Variants in SRGAP2 observed in about 807,000 individuals in gnomAD.
SRGAP2 encodes the protein SLIT-ROBO Rho GTPase-activating protein 2.
Under a neutral mutation model 57.2 loss-of-function variants are expected in SRGAP2, and 15 were observed. That is an observed-to-expected ratio of 0.26 (90% CI 0.18 to 0.40). The LOEUF (loss-of-function observed/expected upper bound fraction) is 0.40, where lower values mean the gene tolerates loss of function less well. Ranked by LOEUF, SRGAP2 falls within the 10% of genes least tolerant of loss-of-function variation. SRGAP2 has a pLI of 1.00. For missense variants in SRGAP2, 520 were observed against 669.6 expected (o/e 0.78, Z 2.47); for synonymous variants, 249 against 248.0 (o/e 1.00, Z -0.04).
intron 19 of SRGAP2, among the ~76,000 whole-genome samples, chr1:206,451,413 C>T (rs1297163455): frequency 6.6e-6 from 1 of 152,114 alleles, no homozygotes; most frequent in East Asian, 1.9e-4. Flanking sequence ...CTTCCAACAG[C>T]TCCACACCTC....
intron 10 of SRGAP2, among the ~76,000 whole-genome samples, chr1:206,414,436 A>T (rs1222443785): frequency 6.6e-6 from 1 of 152,248 alleles, no homozygotes; most frequent in Non-Finnish European, 1.5e-5. Context: ...ATACATTAAA[A>T]GACAGACAGA....
intron 20 of SRGAP2, chr1:206,453,844 A>T (rs1276258538): frequency 2.6e-5 from 9 of 340,842 alleles, no homozygotes. Context: ...TTCTAGGAGA[A>T]ATCCGGCTTA....
chr1:206,248,236 A>G (rs1469142695), intron 2 of SRGAP2, among the ~76,000 whole-genome samples: 1 of 152,008 alleles, frequency 6.6e-6, no homozygotes. Flanking sequence ...ATGATTTACT[A>G]TCTGTAAGAG....
intron 2 of SRGAP2, among the ~76,000 whole-genome samples, chr1:206,256,599 C>T (rs1201796957): frequency 6.7e-6 from 1 of 149,582 alleles, no homozygotes; most frequent in African/African-American, 2.5e-5. Context: ...GCATTTTAGC[C>T]TTCATGTTAT....
At chr1:206,445,365 A>G (rs1662665694) in intron 17 of SRGAP2, among the ~76,000 whole-genome samples, 2 of 152,236 alleles carry the variant, frequency 1.3e-5, no homozygotes, top group Non-Finnish European at 2.9e-5. Flanking sequence ...AATACCCGAG[A>G]ATGAAGTCAG....
At chr1:206,444,131 A>G (rs1553372989) in intron 17 of SRGAP2, among the ~76,000 whole-genome samples, 1 of 151,776 alleles carries the variant, frequency 6.6e-6, no homozygotes, top group Non-Finnish European at 1.5e-5. Flanking sequence ...CAGAGGCCTC[A>G]GTGAGCCAAG....
At chr1:206,263,804 A>G (rs1197578002) in intron 2 of SRGAP2, among the ~76,000 whole-genome samples, 2 of 152,196 alleles carry the variant, frequency 1.3e-5, no homozygotes, top group Non-Finnish European at 1.5e-5. Flanking sequence ...TTAAATATTG[A>G]GATAAGTGCT....
intron 5 of SRGAP2, among the ~76,000 whole-genome samples, chr1:206,388,336 T>G (rs1226930468): frequency 2.6e-5 from 4 of 152,188 alleles, no homozygotes; most frequent in Non-Finnish European, 5.9e-5. Context: ...TAATAGTCTC[T>G]CAACTCTGCT....
intron 2 of SRGAP2, among the ~76,000 whole-genome samples, chr1:206,251,652 G>A (rs2102587294): frequency 6.7e-6 from 1 of 150,040 alleles, no homozygotes; most frequent in African/African-American, 2.5e-5. Context: ...TGGACCTTGA[G>A]TAGCTGAGTT....
At chr1:206,367,846 A>G (rs1654175395) in intron 4 of SRGAP2, among the ~76,000 whole-genome samples, 1 of 152,112 alleles carries the variant, frequency 6.6e-6, no homozygotes, top group Non-Finnish European at 1.5e-5. Flanking sequence ...TATTGCTGCT[A>G]TTTCCGAAAG....
intron 4 of SRGAP2, among the ~76,000 whole-genome samples, chr1:206,374,019 C>A (rs1301170271): frequency 1.3e-5 from 1 of 77,010 alleles, no homozygotes. Context: ...GATACACATT[C>A]TTTTTTTTTT....
intron 2 of SRGAP2, among the ~76,000 whole-genome samples, chr1:206,259,836 A>T (rs1313134993): frequency 7.8e-6 from 1 of 128,534 alleles, no homozygotes; most frequent in Non-Finnish European, 1.6e-5. Flanking sequence ...ACAAAGCTAG[A>T]TAAACCCATT....
chr1:206,442,719 A>G (rs1553372459), intron 17 of SRGAP2, among the ~76,000 whole-genome samples: 1 of 152,232 alleles, frequency 6.6e-6, no homozygotes, highest in Non-Finnish European at 1.5e-5. Context: ...CAGCATTAAT[A>G]AAGTGTTTTC....
At chr1:206,268,071 A>G in intron 2 of SRGAP2, among the ~76,000 whole-genome samples, 1 of 142,742 alleles carries the variant, frequency 7.0e-6, no homozygotes, top group East Asian at 2.0e-4. Context: ...AACATGGACT[A>G]TATATATATA....
intron 7 of SRGAP2, among the ~76,000 whole-genome samples, chr1:206,399,175 T>C (rs2103129091): frequency 6.6e-6 from 1 of 152,178 alleles, no homozygotes; most frequent in Admixed American, 6.5e-5. Flanking sequence ...CAGATGAATC[T>C]GAAGAAGAAA....
At chr1:206,455,251 G>A (rs1663730573) in intron 21 of SRGAP2, 1 of 583,986 alleles carries the variant, frequency 1.7e-6, no homozygotes. Context: ...TCGTGCTGTG[G>A]AAGGGTGCTT....
At chr1:206,259,200 T>C (rs1323980838) in intron 2 of SRGAP2, among the ~76,000 whole-genome samples, 1 of 151,912 alleles carries the variant, frequency 6.6e-6, no homozygotes, top group Non-Finnish European at 1.5e-5. Flanking sequence ...CTTTGCCTTA[T>C]CTGTTCCTCT....
At chr1:206,260,945 G>A (rs1453135856) in intron 2 of SRGAP2, among the ~76,000 whole-genome samples, 5 of 152,198 alleles carry the variant, frequency 3.3e-5, no homozygotes, top group East Asian at 1.9e-4. Flanking sequence ...TGATGAATCT[G>A]ACATCCCTTC....
intron 21 of SRGAP2, chr1:206,456,268 C>T (rs1413615289): frequency 1.3e-5 from 2 of 152,018 alleles, no homozygotes; most frequent in South Asian, 2.1e-4. Context: ...TTAGTAAAGT[C>T]GTTTATTCAG....
Sources: gnomAD v4.1 joint callset for allele counts (sites outside exome capture counted in the v4.1 genomes callset) on GRCh38, gnomAD v4.1.1 for gene constraint, MANE v1.5 for transcripts, NCBI Gene and HGNC (gene_info 2026-07-23, HGNC 2026-07-21) for gene names.